Variants in EIF2AK2 observed in about 807,000 individuals in gnomAD.
EIF2AK2 encodes interferon-induced, double-stranded RNA-activated protein kinase.
Under a neutral mutation model 70.5 loss-of-function variants are expected in EIF2AK2, and 40 were observed. That is an observed-to-expected ratio of 0.57 (90% CI 0.44 to 0.74). EIF2AK2 has a LOEUF of 0.74. EIF2AK2 is among the 30% of genes least tolerant of loss of function. The probability of loss-of-function intolerance (pLI) is 0.00; values close to 1 mark genes in which losing one functional copy is unlikely to be tolerated. For missense variants in EIF2AK2, 555 were observed against 644.3 expected, an observed-to-expected ratio of 0.86 and a Z score of 1.50; for synonymous variants, 198 against 220.9, an observed-to-expected ratio of 0.90 and a Z score of 0.92.
intron 5 of EIF2AK2, 49 bp from the exon 6 acceptor site, chr2:37,139,806 A>T: frequency 6.4e-7 from 1 of 1,560,814 alleles, no homozygotes; most frequent in South Asian, 1.2e-5. Context: ...AAATATAGCA[A>T]ATCCAACTTA....
rs1176397177 is a variant in EIF2AK2, at chr2:37,107,300, T to C, written c.1629A>G (p.Pro543=). The change falls in exon 17 of 17, where the codon CCA becomes CCG. Residue 543 remains proline (P), a synonymous_variant. Coordinates refer to ENST00000233057, the MANE Select transcript of EIF2AK2 (RefSeq NM_001135651.3). Reference sequence around the variant, plus strand: ...AACATGTGTGTCGTTCATTTTTCTCTGGGCTTTTCTTCCACACAGTCAAGG... The same window carrying C: ...AACATGTGTGTCGTTCATTTTTCTCCGGGCTTTTCTTCCACACAGTCAAGG... ...LRTLTVWKKS[P]EKNERHTC 4 of 1,613,650 alleles carry C rather than the reference T, an allele frequency of 2.5e-6. No individual in the cohort carries two copies. Among genetic ancestry groups the C allele is most frequent in the Non-Finnish European group, 3.4e-6 (4 of 1,179,902 alleles).
At chr2:37,134,153 T>G (rs910189191) in intron 10 of EIF2AK2, among the ~76,000 whole-genome samples, 4 of 152,184 alleles carry the variant, frequency 2.6e-5, no homozygotes, top group Non-Finnish European at 5.9e-5. Flanking sequence ...AAAAGGAGCT[T>G]CCTTTTTTGA....
chr2:37,121,901 A>C (rs1674567855), intron 12 of EIF2AK2, among the ~76,000 whole-genome samples: 1 of 152,134 alleles, frequency 6.6e-6, no homozygotes, highest in Non-Finnish European at 1.5e-5. Context: ...TCCCCATAAT[A>C]GGTTGGGTGA....
intron 15 of EIF2AK2, among the ~76,000 whole-genome samples, chr2:37,107,789 TCTAA>T (rs1047174463): frequency 3.3e-5 from 5 of 152,158 alleles, no homozygotes; most frequent in African/African-American, 1.2e-4. Context: ...GATAGGTACT[TCTAA>T]CTGTTTTACA....
intron 4 of EIF2AK2, among the ~76,000 whole-genome samples, chr2:37,144,828 T>G (rs1049025525): frequency 2.0e-5 from 3 of 152,030 alleles, no homozygotes; most frequent in African/African-American, 7.2e-5. Context: ...GTGATCCACC[T>G]ACCTTGACCT....
intron 15 of EIF2AK2, 89 bp from the exon 16 acceptor site, chr2:37,107,616 G>T: frequency 7.0e-7 from 1 of 1,423,910 alleles, no homozygotes; most frequent in Non-Finnish European, 9.5e-7. Context: ...CTGAAATGTA[G>T]GATATTTCCA....
At chr2:37,136,745 C>T (rs1675139999) in intron 9 of EIF2AK2, 1 of 306,630 alleles carries the variant, frequency 3.3e-6, no homozygotes, top group Non-Finnish European at 6.1e-6. Context: ...AAAATAATGC[C>T]CTTAACCTAA....
rs1303735536 is a variant in EIF2AK2, at chr2:37,137,035, G to A, written c.688-18C>T. ...AGACCATTCTATAACAAAAGAAAAT[G>A]AGAAATAGTTTCAGATGACTAAATC... On this transcript the variant is annotated intron_variant, in intron 8 of 16. Transcript: ENST00000233057. 1 of 1,595,526 alleles carries A rather than the reference G, an allele frequency of 6.3e-7. No homozygotes were observed. Among genetic ancestry groups the A allele is most frequent in the East Asian group, 2.3e-5 (1 of 44,438 alleles).
rs1333986487 is a variant in EIF2AK2 at position 37,148,657 on chromosome 2, T to G, written c.-17+200A>C. The G allele has an allele frequency of 1.3e-5, 11 of 825,238 alleles. No homozygotes were observed. The East Asian group carries it at 2.3e-4, about 17-fold the overall frequency. The allele number at this position is 825,238 out of a possible 1,614,324, so 51.1% of individuals were successfully genotyped here. A position where few individuals can be genotyped will look rare whatever the true frequency, so the allele number is the denominator to read the frequency against. ...CAAATGACATGCTTTTACTTCAACT[T>G]AGAACTGGAAGGACACTTTCTAGGA... is the stretch of plus-strand genomic sequence containing the variant. On this transcript the variant is annotated intron_variant, in intron 2 of 16. Transcript: ENST00000233057.
intron 2 of EIF2AK2, 45 bp downstream of exon 2, chr2:37,148,812 A>G (rs1054788061): frequency 3.6e-6 from 3 of 830,704 alleles, no homozygotes; most frequent in Non-Finnish European, 6.4e-6. Flanking sequence ...ATTGACTTAG[A>G]TGATGCCACT....
intron 10 of EIF2AK2, among the ~76,000 whole-genome samples, chr2:37,133,710 A>G (rs77154749): frequency 0.048 from 7,296 of 152,310 alleles, 205 homozygotes; most frequent in Middle Eastern, 0.061. Flanking sequence ...AGGAAGAGAA[A>G]TTCACCTAAG....
In EIF2AK2 at chr2:37,114,726, C is replaced by A; in HGVS notation, c.1377+5G>T. ...AAATATAGACAGACAGGAAAGAGACCTTACCTGTTCTGGGCTCATGTATCG... is the reference window on the plus strand; with the variant it reads ...AAATATAGACAGACAGGAAAGAGACATTACCTGTTCTGGGCTCATGTATCG... On this transcript the variant is annotated splice_donor_5th_base_variant and intron_variant, in intron 14 of 16. Transcript: ENST00000233057. 6.5e-7 allele frequency: 1 copy of A among 1,546,190 alleles called. No homozygotes were observed. The highest frequency in any genetic ancestry group is 1.3e-5 in the South Asian group (1 of 78,440).
At chr2:37,132,721 C>T (rs544288797) in intron 10 of EIF2AK2, among the ~76,000 whole-genome samples, 17 of 152,314 alleles carry the variant, frequency 1.1e-4, no homozygotes, top group Non-Finnish European at 1.9e-4. Flanking sequence ...CAGTTGAAAG[C>T]CATTTTCCAT....
At chr2:37,125,774 A>G (rs774364671) in intron 11 of EIF2AK2, among the ~76,000 whole-genome samples, 2 of 152,244 alleles carry the variant, frequency 1.3e-5, no homozygotes, top group Non-Finnish European at 2.9e-5. Context: ...AGAGACAACA[A>G]TAAATTGCTG....
At chr2:37,144,307 G>A (rs539256942) in intron 4 of EIF2AK2, among the ~76,000 whole-genome samples, 1 of 148,780 alleles carries the variant, frequency 6.7e-6, no homozygotes, top group East Asian at 2.0e-4. Context: ...GTAACTTACT[G>A]GTTTATATAT....
intron 2 of EIF2AK2, among the ~76,000 whole-genome samples, chr2:37,148,252 T>A (rs1267997880): frequency 1.3e-5 from 2 of 152,206 alleles, no homozygotes; most frequent in African/African-American, 2.4e-5. Flanking sequence ...TTCCACTGAG[T>A]ATCAACTACA....
In EIF2AK2 at chr2:37,138,333, G is replaced by C. The variant is rs750334385; in HGVS notation, c.624C>G (p.Phe208Leu). Residue 208 changes from phenylalanine to leucine, a missense_variant, in exon 8 of 17, where the codon TTC becomes TTG. Around this residue, in one of 3 missense-constraint regions of EIF2AK2, gnomAD observed 208 missense variants for 191.8 expected, o/e 1.08. Transcript: ENST00000233057. ...AATTTATCTCTGATGTATCTGCTGA[G>C]AAGTCACCTTCAGATGATGATTCAG... The part of the protein sequence containing the change: ...LASESSSEGD[F>L]SADTSEINSN... 4.3e-6 allele frequency: 7 copies of C among 1,613,818 alleles called. No homozygotes were observed. The African/African-American group carries it at 9.3e-5, about 22-fold the overall frequency.
In EIF2AK2 at chr2:37,120,000, C is replaced by A; in HGVS notation, c.1207G>T (p.Asp403Tyr). ...ELFEQITKGV[D>Y]YIHSKKLIHR... is the part of the protein sequence containing the mutation. ...ATTAATTTTTTTGAATGTATATAAT[C>A]CACCCCTTTTGTTATTTGTTCAAAG... Residue 403 changes from aspartate to tyrosine, a missense_variant, in exon 13 of 17, where the codon GAT becomes TAT. Physicochemically the swap from Asp to Tyr is radical, Grantham distance 160. This residue lies in a region of EIF2AK2 where 299 missense variants were observed against 375.4 expected (regional missense o/e 0.80). Transcript: ENST00000233057. 6.6e-7 allele frequency: 1 copy of A among 1,526,004 alleles called. No homozygotes were observed. The highest frequency in any genetic ancestry group is 8.8e-7 in the Non-Finnish European group (1 of 1,132,182). 94.5% of individuals were successfully genotyped at this position (1,526,004 alleles called of 1,614,324 possible).
At chr2:37,139,424 A>G (rs1675249255) in intron 6 of EIF2AK2, among the ~76,000 whole-genome samples, 1 of 152,112 alleles carries the variant, frequency 6.6e-6, no homozygotes, top group Non-Finnish European at 1.5e-5. Flanking sequence ...CCTGGAGTTT[A>G]AAAACTACCC....
Sources: gnomAD v4.1 joint callset for allele counts (sites outside exome capture counted in the v4.1 genomes callset) on GRCh38, gnomAD v4.1.1 for gene constraint, gnomAD v4.1.1 regional missense constraint, MANE v1.5 for transcripts, NCBI Gene and HGNC (gene_info 2026-07-23, HGNC 2026-07-21) for gene names.